The following SIPA1L2 variants were observed in gnomAD, a reference collection of about 807,000 sequenced individuals.
The protein encoded by SIPA1L2 is signal induced proliferation associated 1 like 2, also known as signal-induced proliferation-associated 1-like protein 2.
SIPA1L2 carries 56 observed loss-of-function variants against 163.9 expected under a neutral mutation model. That is an observed-to-expected ratio of 0.34 (90% CI 0.28 to 0.43). The LOEUF is 0.43. Among genes scored for constraint, SIPA1L2 ranks in the 20% least tolerant of loss-of-function variants. The pLI, the probability that SIPA1L2 is intolerant of heterozygous loss-of-function variation, is 1.00. For missense variants in SIPA1L2, 1,974 were observed against 2,193.5 expected, an observed-to-expected ratio of 0.90 and a Z score of 2.00; for synonymous variants, 877 against 865.7, an observed-to-expected ratio of 1.01 and a Z score of -0.23.
intron 10 of SIPA1L2, among the ~76,000 whole-genome samples, chr1:232,455,309 C>T (rs1326577977): frequency 3.9e-5 from 6 of 152,086 alleles, no homozygotes; most frequent in Admixed American, 2.0e-4. Flanking sequence ...TTGAGACACA[C>T]GCACGCATAT....
At chr1:232,490,516 T>C (rs911881232) in intron 5 of SIPA1L2, among the ~76,000 whole-genome samples, 2 of 152,100 alleles carry the variant, frequency 1.3e-5, no homozygotes, top group Non-Finnish European at 2.9e-5. Context: ...GCCTTCCACA[T>C]AGTAGACAAG....
Position 232,486,015 on chromosome 1 carries a change from C to T in SIPA1L2, c.1807-2049G>A, listed in dbSNP as rs73095136. 9.1e-3 allele frequency among the ~76,000 whole-genome samples: 1,385 copies of T among 152,296 alleles called. 27 individuals carry two copies. The highest frequency in any genetic ancestry group is 0.032 in the African/African-American group (1,314 of 41,556). ...ACCTCCTGCTCACCTGAGACCATTGCCAGTGCCATGTGCCACATCATCTGA... is the reference window on the plus strand; with the variant it reads ...ACCTCCTGCTCACCTGAGACCATTGTCAGTGCCATGTGCCACATCATCTGA... On this transcript the variant is annotated intron_variant, in intron 5 of 22. Coordinates refer to ENST00000674635, the MANE Select transcript of SIPA1L2 (RefSeq NM_020808.5).
chr1:232,536,926 T>C (rs1657340790), intron 2 of SIPA1L2, among the ~76,000 whole-genome samples: 1 of 152,344 alleles, frequency 6.6e-6, no homozygotes, highest in Admixed American at 6.5e-5. Flanking sequence ...TTCTTTTCTA[T>C]ACCACATCAT....
chr1:232,483,862 G>A lies in SIPA1L2; in HGVS notation c.1911C>T (p.Phe637=). 1.2e-6 allele frequency: 2 copies of A among 1,614,010 alleles called. No homozygotes were observed. Among genetic ancestry groups the A allele is most frequent in the Non-Finnish European group, 1.7e-6 (2 of 1,179,960 alleles). ...GGACTCTCTGGCCCAGAAGATCAAG[G>A]AATTCTTCAAAAGCTGGTCCCGCCG... ...NETAGPAFEE[F]LDLLGQRVRL... Residue 637 remains phenylalanine (F), a synonymous_variant, in exon 6 of 23, where the codon TTC becomes TTT. Coordinates refer to ENST00000674635, the MANE Select transcript of SIPA1L2 (RefSeq NM_020808.5).
intron 2 of SIPA1L2, among the ~76,000 whole-genome samples, chr1:232,520,505 A>G (rs778408446): frequency 6.6e-6 from 1 of 152,250 alleles, no homozygotes; most frequent in East Asian, 1.9e-4. Flanking sequence ...GACGTTTTCC[A>G]TGAGACATCA....
chr1:232,529,165 T>C (rs1430985916), intron 2 of SIPA1L2, among the ~76,000 whole-genome samples: 1 of 152,218 alleles, frequency 6.6e-6, no homozygotes, highest in Non-Finnish European at 1.5e-5. Context: ...CACAGGTGTC[T>C]CAGTTGGGCT....
At position 232,417,888 on chromosome 1, in the gene SIPA1L2, C is replaced by T. The variant is rs973498180; in HGVS notation, c.4631-2263G>A. On this transcript the variant is annotated intron_variant, in intron 18 of 22. Transcript: ENST00000674635. The stretch of plus-strand genomic sequence containing the variant: ...GAGCGGCATAGCTCTGTGAGGGCCG[C>T]GGAGGTCAGGCAGGCTGGAATCTGG... Among the ~76,000 whole-genome samples the T allele has an allele frequency of 4.6e-5, 7 of 152,162 alleles. No individual in the cohort carries two copies. In the East Asian group the frequency reaches 7.7e-4, roughly 17 times the overall value.
intron 1 of SIPA1L2, among the ~76,000 whole-genome samples, chr1:232,597,693 A>G (rs1001383913): frequency 1.2e-4 from 15 of 129,216 alleles, no homozygotes; most frequent in African/African-American, 2.5e-4. Flanking sequence ...CTGTCTCAAA[A>G]AAAAAAAAAA....
intron 5 of SIPA1L2, among the ~76,000 whole-genome samples, chr1:232,488,374 C>T (rs914547627): frequency 1.3e-5 from 2 of 152,124 alleles, no homozygotes; most frequent in South Asian, 2.1e-4. Flanking sequence ...GAAACAGCAC[C>T]GCTTGGAATA....
chr1:232,413,365 A>C (rs980876393), intron 19 of SIPA1L2, among the ~76,000 whole-genome samples: 32 of 152,208 alleles, frequency 2.1e-4, no homozygotes, highest in Admixed American at 1.8e-3. Flanking sequence ...TAAATTGATC[A>C]TTCAGTCCAT....
rs562977492 is a variant in SIPA1L2 at position 232,414,100 on chromosome 1, C to T, written c.4762+1394G>A. On this transcript the variant is annotated intron_variant, in intron 19 of 22. Transcript: ENST00000674635. ...TAGCATCAGAGAATGAGGGTCTCCC[C>T]ACAAGGCAGACAGGCAGACAGGGCT... Among the ~76,000 whole-genome samples the T allele has an allele frequency of 2.0e-5, 3 of 147,530 alleles. No homozygotes were observed. The East Asian group carries it at 5.8e-4, about 28-fold the overall frequency.
chr1:232,579,748 G>A (rs1415512690), intron 1 of SIPA1L2, among the ~76,000 whole-genome samples: 2 of 152,216 alleles, frequency 1.3e-5, no homozygotes, highest in Middle Eastern at 3.4e-3. Context: ...CTCCAAGCTC[G>A]ATGAAAAATC....
At chr1:232,403,972 A>C (rs1199487409) in intron 20 of SIPA1L2, among the ~76,000 whole-genome samples, 153 bp downstream of exon 20, 3 of 152,218 alleles carry the variant, frequency 2.0e-5, no homozygotes, top group Non-Finnish European at 4.4e-5. Context: ...CCAAACCCGG[A>C]GAAGGTTCTG....
At chr1:232,519,443 T>C (rs1190719471) in intron 2 of SIPA1L2, among the ~76,000 whole-genome samples, 1 of 152,126 alleles carries the variant, frequency 6.6e-6, no homozygotes, top group Non-Finnish European at 1.5e-5. Flanking sequence ...ACTCCAAAAC[T>C]GGATGGCACA....
Position 232,548,738 on chromosome 1 carries a change from G to A in SIPA1L2, c.-270+25436C>T, listed in dbSNP as rs146179337. 1.4e-3 allele frequency among the ~76,000 whole-genome samples: 210 copies of A among 152,272 alleles called. 1 individual carries two copies. Among genetic ancestry groups the A allele is most frequent in the African/African-American group, 4.6e-3 (191 of 41,554 alleles). ...GTAAACCCCACACTCCAACAGGAAC[G>A]GAGCTCCCCTGAACAGAGGGGGCCC... On this transcript the variant is annotated intron_variant, in intron 2 of 22. Coordinates refer to ENST00000674635, the MANE Select transcript of SIPA1L2 (RefSeq NM_020808.5).
Position 232,428,507 on chromosome 1 carries a change from T to C in SIPA1L2, c.4314A>G (p.Gly1438=), listed in dbSNP as rs1662036017. 6.3e-7 allele frequency: 1 copy of C among 1,597,566 alleles called. No homozygotes were observed. Among genetic ancestry groups the C allele is most frequent in the African/African-American group, 1.4e-5 (1 of 73,876 alleles). Residue 1438 remains glycine (G), a synonymous_variant, in exon 17 of 23, where the codon GGA becomes GGG. Transcript: ENST00000674635. Reference sequence around the variant, plus strand: ...CATGTTGAGTCTCTGCAACAGCATCTCCCACCACTGTCTGATGCTGAGTTG... The same window carrying C: ...CATGTTGAGTCTCTGCAACAGCATCCCCCACCACTGTCTGATGCTGAGTTG... The part of the protein sequence containing the change: ...STATQHQTVV[G]DAVAETQHVL...
chr1:232,604,760 T>C (rs1006145241), intron 1 of SIPA1L2, among the ~76,000 whole-genome samples: 1 of 152,162 alleles, frequency 6.6e-6, no homozygotes, highest in Non-Finnish European at 1.5e-5. Context: ...TACTATCTCA[T>C]GATGGAGTTC....
chr1:232,413,665 G>A (rs1558155790), intron 19 of SIPA1L2, among the ~76,000 whole-genome samples: 1 of 152,134 alleles, frequency 6.6e-6, no homozygotes, highest in Non-Finnish European at 1.5e-5. Context: ...TTCTCCTTTG[G>A]TTATCTTGAT....
At chr1:232,519,468 T>A (rs1667364485) in intron 2 of SIPA1L2, among the ~76,000 whole-genome samples, 1 of 152,094 alleles carries the variant, frequency 6.6e-6, no homozygotes, top group South Asian at 2.1e-4. Flanking sequence ...AACCGTGCAA[T>A]CTAAAGACCT....
Sources: allele counts gnomAD v4.1 joint callset (sites outside exome capture counted in the v4.1 genomes callset), GRCh38; gene constraint gnomAD v4.1.1; transcripts MANE v1.5; gene names NCBI Gene and HGNC (gene_info 2026-07-23, HGNC 2026-07-21).